GALNTL6: variants seen among roughly 807,000 people sequenced by gnomAD.
GALNTL6 encodes polypeptide N-acetylgalactosaminyltransferase like 6.
Under a neutral mutation model 73.7 loss-of-function variants are expected in GALNTL6, and 46 were observed. That is an observed-to-expected ratio of 0.62 (90% confidence interval 0.49 to 0.80). GALNTL6 has a LOEUF of 0.80. Ranked by LOEUF, GALNTL6 falls within the 30% of genes least tolerant of loss-of-function variation. The pLI is 0.00. For missense variants in GALNTL6, 604 were observed against 755.0 expected, an observed-to-expected ratio of 0.80 and a Z score of 2.34; for synonymous variants, 259 against 263.7, an observed-to-expected ratio of 0.98 and a Z score of 0.17.
intron 8 of GALNTL6, among the ~76,000 whole-genome samples, chr4:172,899,568 C>A (rs1746513965): frequency 6.6e-6 from 1 of 152,142 alleles, no homozygotes. Flanking sequence ...ATAGAAATAG[C>A]ATCTACTACC....
chr4:172,882,685 C>T (rs571351338), intron 7 of GALNTL6, 105 bp from the exon 8 acceptor site: 284 of 780,090 alleles, frequency 3.6e-4, no homozygotes, highest in Non-Finnish European at 6.2e-4. Context: ...AAGTTCCACA[C>T]AGCTGACCAC....
rs1752995407 is a variant in GALNTL6, at chr4:173,021,638, C to A, written c.1638+13C>A. On this transcript the variant is annotated intron_variant, in intron 12 of 12. Transcript: ENST00000506823. ...GGGATACCGGAAGGTAAGAGTCAGT[C>A]CACTGTGGTCATTCTCAAATTACTG... is the stretch of plus-strand genomic sequence containing the variant. The A allele has an allele frequency of 1.9e-6, 3 of 1,610,618 alleles. No individual in the cohort carries two copies. The highest frequency in any genetic ancestry group is 2.2e-5 in the East Asian group (1 of 44,824).
intron 2 of GALNTL6, among the ~76,000 whole-genome samples, chr4:171,938,986 A>G (rs1578989401): frequency 1.3e-5 from 2 of 152,024 alleles, no homozygotes; most frequent in Non-Finnish European, 1.5e-5. Flanking sequence ...GAAAGCTGCT[A>G]TTTCACAATA....
chr4:172,701,985 A>C (rs982318748), intron 5 of GALNTL6, among the ~76,000 whole-genome samples: 1 of 152,092 alleles, frequency 6.6e-6, no homozygotes, highest in Non-Finnish European at 1.5e-5. Context: ...ACATCAGACA[A>C]AAAGAAATCA....
At chr4:172,089,115 T>G (rs1040001782) in intron 2 of GALNTL6, among the ~76,000 whole-genome samples, 1 of 152,090 alleles carries the variant, frequency 6.6e-6, no homozygotes, top group African/African-American at 2.4e-5. Context: ...AATAGACCAG[T>G]CCAATTAAAC....
At chr4:172,110,910 A>C (rs1732832187) in intron 2 of GALNTL6, among the ~76,000 whole-genome samples, 1 of 152,094 alleles carries the variant, frequency 6.6e-6, no homozygotes, top group African/African-American at 2.4e-5. Context: ...AAGAAAATGG[A>C]GCTAACAGTT....
intron 8 of GALNTL6, among the ~76,000 whole-genome samples, chr4:172,897,581 C>T (rs1746396881): frequency 6.6e-6 from 1 of 152,132 alleles, no homozygotes; most frequent in Non-Finnish European, 1.5e-5. Flanking sequence ...GGGCTATAAC[C>T]AAGTTCCTTG....
At chr4:171,971,435 T>G (rs1739566111) in intron 2 of GALNTL6, among the ~76,000 whole-genome samples, 1 of 152,230 alleles carries the variant, frequency 6.6e-6, no homozygotes, top group Non-Finnish European at 1.5e-5. Flanking sequence ...AAATATATTT[T>G]GAATTTATAA....
intron 11 of GALNTL6, among the ~76,000 whole-genome samples, chr4:173,017,197 G>A (rs1752817746): frequency 1.3e-5 from 2 of 152,068 alleles, no homozygotes; most frequent in Non-Finnish European, 2.9e-5. Context: ...GCATGAGAAT[G>A]GACTAATATA....
At position 171,903,770 on chromosome 4, in the gene GALNTL6, G is replaced by A. The variant is rs1431226435; in HGVS notation, c.138+89052G>A. ...TCTGACAGCTTTGAAGAGAGCAGTG[G>A]TTCTCCCAGCACGCAGCTGGAGATC... On this transcript the variant is annotated intron_variant, in intron 2 of 12. Coordinates refer to ENST00000506823, the MANE Select transcript of GALNTL6 (RefSeq NM_001034845.3). Among the ~76,000 whole-genome samples the A allele has an allele frequency of 2.0e-5, 3 of 152,016 alleles. No individual in the cohort carries two copies. The East Asian group carries it at 5.8e-4, about 29-fold the overall frequency.
chr4:172,975,331 G>C (rs992135307), intron 10 of GALNTL6, among the ~76,000 whole-genome samples: 1 of 152,032 alleles, frequency 6.6e-6, no homozygotes, highest in Non-Finnish European at 1.5e-5. Context: ...CTGCAGGCAG[G>C]TCGTCCCATC....
intron 3 of GALNTL6, among the ~76,000 whole-genome samples, chr4:172,236,176 T>G (rs952215078): frequency 3.3e-5 from 5 of 152,250 alleles, no homozygotes; most frequent in Non-Finnish European, 5.9e-5. Context: ...TCTTTCAGTA[T>G]GTTTTGAAAT....
chr4:172,647,947 C>A (rs1231479874), intron 5 of GALNTL6, among the ~76,000 whole-genome samples: 1 of 152,120 alleles, frequency 6.6e-6, no homozygotes, highest in African/African-American at 2.4e-5. Context: ...ACCCACTATT[C>A]AATATCTGAA....
intron 5 of GALNTL6, among the ~76,000 whole-genome samples, chr4:172,491,584 T>A: frequency 6.6e-6 from 1 of 152,140 alleles, no homozygotes; most frequent in East Asian, 1.9e-4. Flanking sequence ...GTATGAAGTT[T>A]ACCAGGATGG....
intron 7 of GALNTL6, among the ~76,000 whole-genome samples, chr4:172,837,016 A>G (rs1171466550): frequency 2.0e-5 from 3 of 152,202 alleles, no homozygotes; most frequent in African/African-American, 7.2e-5. Flanking sequence ...CCAATTATCA[A>G]AACACAGAAC....
intron 2 of GALNTL6, among the ~76,000 whole-genome samples, chr4:171,980,156 C>A (rs1287815373): frequency 6.6e-6 from 1 of 151,874 alleles, no homozygotes; most frequent in Non-Finnish European, 1.5e-5. Flanking sequence ...TAAACAGAAG[C>A]ACTTACTAGG....
At chr4:172,604,614 A>G (rs1455344251) in intron 5 of GALNTL6, among the ~76,000 whole-genome samples, 1 of 152,226 alleles carries the variant, frequency 6.6e-6, no homozygotes, top group African/African-American at 2.4e-5. Context: ...ACAAAATTAA[A>G]ATATGATTAA....
intron 5 of GALNTL6, among the ~76,000 whole-genome samples, chr4:172,691,704 T>A (rs548369041): frequency 6.6e-4 from 100 of 152,270 alleles, no homozygotes; most frequent in African/African-American, 2.2e-3. Context: ...TTCCTCTACA[T>A]CTCAGCAGGT....
chr4:172,338,426 G>A (rs920331264), intron 4 of GALNTL6, among the ~76,000 whole-genome samples: 30 of 151,680 alleles, frequency 2.0e-4, no homozygotes, highest in Non-Finnish European at 2.8e-4. Context: ...TGTGTGAATC[G>A]GATTTTTTTT....
Sources: gnomAD v4.1 joint callset for allele counts (sites outside exome capture counted in the v4.1 genomes callset) on GRCh38, gnomAD v4.1.1 for gene constraint, MANE v1.5 for transcripts, NCBI Gene and HGNC (gene_info 2026-07-23, HGNC 2026-07-21) for gene names.